GRIN2B: variants seen among roughly 807,000 people sequenced by gnomAD.
GRIN2B encodes glutamate receptor ionotropic, NMDA 2B.
Under a neutral mutation model 114.5 loss-of-function variants are expected in GRIN2B, and 5 were observed. That is an observed-to-expected ratio of 0.04 (90% CI 0.02 to 0.09). The LOEUF (loss-of-function observed/expected upper bound fraction) is 0.09, where lower values mean the gene tolerates loss of function less well. Among genes scored for constraint, GRIN2B ranks in the 10% least tolerant of loss-of-function variants. GRIN2B has a pLI of 1.00. For synonymous variants in GRIN2B, 787 were observed against 745.1 expected, an observed-to-expected ratio of 1.06 and a Z score of -0.92; for missense variants, 1,108 against 1,943.5, an observed-to-expected ratio of 0.57 and a Z score of 8.08.
At chr12:13,690,452 A>G (rs939834223) in intron 4 of GRIN2B, among the ~76,000 whole-genome samples, 4 of 151,434 alleles carry the variant, frequency 2.6e-5, no homozygotes, top group Non-Finnish European at 4.4e-5. Flanking sequence ...TCCAATTATT[A>G]ATTTAAAAAA....
chr12:13,923,858 T>C (rs1866867275), intron 2 of GRIN2B, among the ~76,000 whole-genome samples: 1 of 152,144 alleles, frequency 6.6e-6, no homozygotes, highest in Non-Finnish European at 1.5e-5. Flanking sequence ...TGGATGTTTC[T>C]ACCATTGAAC....
intron 2 of GRIN2B, among the ~76,000 whole-genome samples, chr12:13,903,060 CT>C (rs1158024335): frequency 6.6e-6 from 1 of 150,974 alleles, no homozygotes; most frequent in Non-Finnish European, 1.5e-5. Context: ...GATTTCTTAC[CT>C]CTTTATTTCA....
chr12:13,608,228 T>C (rs1312016377), intron 10 of GRIN2B, among the ~76,000 whole-genome samples: 2 of 152,200 alleles, frequency 1.3e-5, no homozygotes, highest in Non-Finnish European at 2.9e-5. Flanking sequence ...GAGGCCATCA[T>C]GCGCCCATCT....
At chr12:13,603,125 A>C (rs1002572268) in intron 10 of GRIN2B, among the ~76,000 whole-genome samples, 6 of 152,136 alleles carry the variant, frequency 3.9e-5, no homozygotes, top group Admixed American at 3.3e-4. Flanking sequence ...CACTCTATAC[A>C]CAGGCTAAAG....
chr12:13,966,330 C>T (rs919050364), intron 2 of GRIN2B, among the ~76,000 whole-genome samples: 3 of 152,146 alleles, frequency 2.0e-5, no homozygotes, highest in Non-Finnish European at 2.9e-5. Flanking sequence ...TCTTTGCCTC[C>T]GTTGTCTTCC....
At chr12:13,773,693 T>C (rs1467549647) in intron 3 of GRIN2B, among the ~76,000 whole-genome samples, 1 of 152,148 alleles carries the variant, frequency 6.6e-6, no homozygotes, top group African/African-American at 2.4e-5. Context: ...CCCTTCAACA[T>C]TACTAGAAAT....
intron 3 of GRIN2B, among the ~76,000 whole-genome samples, chr12:13,835,184 C>T (rs1179427588): frequency 6.6e-6 from 1 of 152,190 alleles, no homozygotes; most frequent in Non-Finnish European, 1.5e-5. Context: ...AAAGGAACGC[C>T]TCCATCCCAC....
chr12:13,620,153 T>G lies in GRIN2B; in HGVS notation c.1126-3496A>C, dbSNP rs922923708. On this transcript the variant is annotated intron_variant, in intron 5 of 13. Coordinates refer to ENST00000609686, the MANE Select transcript of GRIN2B (RefSeq NM_000834.5). ...GAGCTGTGGCTTGAAACGTAAATGA[T>G]AGCTGAGGAGGTAAGAGTTATTTAT... Among the ~76,000 whole-genome samples the G allele has an allele frequency of 2.0e-5, 3 of 152,082 alleles. No homozygotes were observed. In the South Asian group the frequency reaches 6.2e-4, roughly 32 times the overall value.
chr12:13,565,480 C>A (rs1198877121), intron 13 of GRIN2B, among the ~76,000 whole-genome samples: 2 of 152,178 alleles, frequency 1.3e-5, no homozygotes, highest in Non-Finnish European at 2.9e-5. Context: ...TGATCGAGAG[C>A]TCCCTGTGTA....
In GRIN2B at chr12:13,560,835, G is replaced by A. The variant is rs1948533809; in HGVS notation, c.*1948C>T. The A allele has an allele frequency of 6.6e-6, 1 of 152,366 alleles. No homozygotes were observed. Among genetic ancestry groups the A allele is most frequent in the South Asian group, 2.1e-4 (1 of 4,830 alleles). The allele number at this position is 152,366 out of a possible 1,614,324, so 9.4% of individuals were successfully genotyped here. A position where few individuals can be genotyped will look rare whatever the true frequency, so the allele number is the denominator to read the frequency against. On this transcript the variant is annotated 3_prime_UTR_variant, in exon 14 of 14. Coordinates refer to ENST00000609686, the MANE Select transcript of GRIN2B (RefSeq NM_000834.5). ...GGTTGGGGACAGCAGTCAAGGGCGG[G>A]ATGAGGAAGGGTCACGAGTGAGGGC...
intron 13 of GRIN2B, among the ~76,000 whole-genome samples, chr12:13,566,308 C>T (rs1293668784): frequency 1.3e-5 from 2 of 152,152 alleles, no homozygotes; most frequent in Non-Finnish European, 2.9e-5. Flanking sequence ...TTTGAGTTCA[C>T]CTCTCATGAC....
At chr12:13,816,233 G>C (rs1311575636) in intron 3 of GRIN2B, among the ~76,000 whole-genome samples, 1 of 152,058 alleles carries the variant, frequency 6.6e-6, no homozygotes, top group Non-Finnish European at 1.5e-5. Flanking sequence ...TTAAAAAATA[G>C]GTACAAGGAC....
chr12:13,548,307 A>G lies in GRIN2B; in HGVS notation c.*14476T>C, dbSNP rs1591596520. ...TTAGTGGCTTCAGTCTTGTGCAGAT[A>G]TAGATTTTCTTTGTAAGACTTCCTC... On this transcript the variant is annotated 3_prime_UTR_variant, in exon 14 of 14. Transcript: ENST00000609686. 1 of 152,114 alleles carries G rather than the reference A, an allele frequency of 6.6e-6. No individual in the cohort carries two copies. The highest frequency in any genetic ancestry group is 3.4e-3 in the Middle Eastern group (1 of 294). The allele number at this position is 152,114 out of a possible 1,614,324, so 9.4% of individuals were successfully genotyped here.
intron 2 of GRIN2B, among the ~76,000 whole-genome samples, chr12:13,875,527 A>C (rs1405377842): frequency 6.6e-6 from 1 of 152,174 alleles, no homozygotes; most frequent in Non-Finnish European, 1.5e-5. Flanking sequence ...CTCTGTCTCA[A>C]AAGAAATAAA....
intron 10 of GRIN2B, among the ~76,000 whole-genome samples, chr12:13,605,406 G>GA (rs1285639620): frequency 3.9e-5 from 6 of 152,136 alleles, no homozygotes; most frequent in Non-Finnish European, 2.9e-5. Flanking sequence ...AGGTATGGTT[G>GA]AAAAAGATGA....
At chr12:13,885,486 T>C (rs1040612200) in intron 2 of GRIN2B, among the ~76,000 whole-genome samples, 138 of 152,250 alleles carry the variant, frequency 9.1e-4, no homozygotes, top group African/African-American at 3.2e-3. Flanking sequence ...ATGTGAAAGA[T>C]TTCACTCTTT....
chr12:13,690,371 TCTCACACACACA>T (rs1565501449), intron 4 of GRIN2B, among the ~76,000 whole-genome samples: 1 of 87,470 alleles, frequency 1.1e-5, no homozygotes, highest in African/African-American at 3.6e-5. Context: ...TCTCTCTCTC[TCTCACACACACA>T]CACACACACA....
intron 5 of GRIN2B, among the ~76,000 whole-genome samples, chr12:13,635,759 C>A (rs1482361256): frequency 6.6e-6 from 1 of 151,924 alleles, no homozygotes; most frequent in South Asian, 2.1e-4. Context: ...GTTTCCTCTA[C>A]ATTATGCTGA....
At position 13,607,367 on chromosome 12, in the gene GRIN2B, T is replaced by TATTATATATAAAA. The variant is rs1565473720; in HGVS notation, c.2010+1235_2010+1236insTTTTATATATAAT. Among the ~76,000 whole-genome samples the TATTATATATAAAA allele has an allele frequency of 2.8e-3, 140 of 49,656 alleles. 1 individual carries two copies. Among genetic ancestry groups the TATTATATATAAAA allele is most frequent in the African/African-American group, 0.015 (133 of 9,068 alleles). The allele number at this position is 49,656 out of a possible 152,430, so 32.6% of individuals were successfully genotyped here. A position where few individuals can be genotyped will look rare whatever the true frequency, so the allele number is the denominator to read the frequency against. ...TAATATATAAAATATATAATATATA[T>TATTATATATAAAA]TATATATTATATATATAATATATAT... On this transcript the variant is annotated intron_variant, in intron 10 of 13. Coordinates refer to ENST00000609686, the MANE Select transcript of GRIN2B (RefSeq NM_000834.5).
Sources: allele counts gnomAD v4.1 joint callset (sites outside exome capture counted in the v4.1 genomes callset), GRCh38; gene constraint gnomAD v4.1.1; transcripts MANE v1.5; gene names NCBI Gene and HGNC (gene_info 2026-07-23, HGNC 2026-07-21).